The following NRXN3 variants were observed in gnomAD, a reference collection of about 807,000 sequenced individuals.
The protein encoded by NRXN3 is neurexin 3, also known as neurexin III.
In NRXN3, 32 loss-of-function variants were observed where a neutral mutation model predicts 137.6. The ratio of observed to expected loss-of-function variants is 0.23; its 90% CI spans 0.18 to 0.31. The LOEUF is 0.31. NRXN3 is among the 10% of genes least tolerant of loss of function. The pLI is 1.00. For synonymous variants in NRXN3, 798 were observed against 784.5 expected (o/e 1.02, Z -0.29); for missense variants, 1,574 against 2,062.5 (o/e 0.76, Z 4.59).
At position 78,578,311 on chromosome 14, in the gene NRXN3, A is replaced by T. The variant is rs1179551101; in HGVS notation, c.758-66809A>T. 3.3e-5 allele frequency among the ~76,000 whole-genome samples: 5 copies of T among 152,274 alleles called. No homozygotes were observed. In the East Asian group the frequency reaches 5.8e-4, roughly 18 times the overall value. On this transcript the variant is annotated intron_variant, in intron 4 of 20. Transcript: ENST00000335750. ...TCGGATAAGTTTTTAGGGAGATCTA[A>T]ATTGGTAAGATTGATCAAATTTCTT...
At chr14:79,370,662 T>C (rs1254011721) in intron 15 of NRXN3, among the ~76,000 whole-genome samples, 2 of 152,062 alleles carry the variant, frequency 1.3e-5, no homozygotes, top group Non-Finnish European at 2.9e-5. Context: ...GTGGGATGTT[T>C]GACTCCAAAA....
intron 4 of NRXN3, among the ~76,000 whole-genome samples, chr14:78,466,584 G>T (rs10134094): frequency 0.98 from 148,500 of 152,278 alleles, 72,497 homozygotes; most frequent in Non-Finnish European, 1. Flanking sequence ...CTTTGCTGAA[G>T]AATTAGAATT....
At chr14:78,789,011 C>G (rs914562877) in intron 8 of NRXN3, among the ~76,000 whole-genome samples, 2 of 152,110 alleles carry the variant, frequency 1.3e-5, no homozygotes, top group African/African-American at 2.4e-5. Context: ...TGAATTGACT[C>G]AGAGCAATTC....
chr14:78,344,331 T>C (rs1411396407), intron 4 of NRXN3, among the ~76,000 whole-genome samples: 1 of 152,206 alleles, frequency 6.6e-6, no homozygotes, highest in African/African-American at 2.4e-5. Flanking sequence ...TCTCAACCAA[T>C]GAGGGCCCAC....
intron 19 of NRXN3, among the ~76,000 whole-genome samples, chr14:79,804,048 C>T (rs948505488): frequency 7.3e-5 from 11 of 150,620 alleles, no homozygotes; most frequent in African/African-American, 4.9e-5. Flanking sequence ...AGTAATTGCT[C>T]AATAGAAGGG....
At chr14:78,750,684 TAA>T (rs1037343571) in intron 8 of NRXN3, among the ~76,000 whole-genome samples, 4 of 152,182 alleles carry the variant, frequency 2.6e-5, no homozygotes, top group Non-Finnish European at 5.9e-5. Flanking sequence ...ATCTCTGATG[TAA>T]GAGCCTGACT....
chr14:79,507,361 C>T (rs535359492), intron 16 of NRXN3, among the ~76,000 whole-genome samples: 1 of 152,272 alleles, frequency 6.6e-6, no homozygotes, highest in South Asian at 2.1e-4. Context: ...TACATAGGAA[C>T]TCTCTGTACT....
intron 6 of NRXN3, among the ~76,000 whole-genome samples, chr14:78,670,921 T>G (rs17108040): frequency 0.041 from 6,199 of 152,270 alleles, 240 homozygotes; most frequent in East Asian, 0.18. Flanking sequence ...AGTACCTGTG[T>G]TAACTGCAGA....
intron 4 of NRXN3, among the ~76,000 whole-genome samples, chr14:78,429,108 C>A (rs958874407): frequency 3.3e-5 from 5 of 151,956 alleles, no homozygotes; most frequent in African/African-American, 1.2e-4. Context: ...CAGAGTCTTG[C>A]TCTGTCACCC....
chr14:78,775,665 A>G (rs1286027318), intron 8 of NRXN3, among the ~76,000 whole-genome samples: 1 of 152,198 alleles, frequency 6.6e-6, no homozygotes, highest in African/African-American at 2.4e-5. Context: ...GATGTGGAAA[A>G]TAACTAATTG....
At chr14:79,149,251 C>G (rs2059580119) in intron 15 of NRXN3, among the ~76,000 whole-genome samples, 1 of 151,962 alleles carries the variant, frequency 6.6e-6, no homozygotes, top group African/African-American at 2.4e-5. Context: ...ACGTTGAAAC[C>G]CAGTCTGCAC....
chr14:79,353,084 G>A (rs1415730259), intron 15 of NRXN3, among the ~76,000 whole-genome samples: 4 of 152,004 alleles, frequency 2.6e-5, no homozygotes. Flanking sequence ...GTAAGTAAAA[G>A]TAGCTATTTT....
chr14:78,571,975 G>A (rs1029087275), intron 4 of NRXN3, among the ~76,000 whole-genome samples: 10 of 152,124 alleles, frequency 6.6e-5, no homozygotes, highest in African/African-American at 2.4e-4. Context: ...CACTCCTTGT[G>A]GTGTGTTTGT....
At chr14:79,244,809 G>A (rs1041184548) in intron 15 of NRXN3, among the ~76,000 whole-genome samples, 7 of 152,080 alleles carry the variant, frequency 4.6e-5, no homozygotes, top group African/African-American at 1.4e-4. Context: ...TACTGAATAG[G>A]CAATGATTTC....
At chr14:78,680,549 T>G (rs1191109852) in intron 6 of NRXN3, among the ~76,000 whole-genome samples, 1 of 152,180 alleles carries the variant, frequency 6.6e-6, no homozygotes, top group Non-Finnish European at 1.5e-5. Context: ...GGAATCTGAG[T>G]TTGGAATTTG....
chr14:79,329,173 C>T (rs551353853), intron 15 of NRXN3, among the ~76,000 whole-genome samples: 2 of 152,244 alleles, frequency 1.3e-5, no homozygotes, highest in South Asian at 2.1e-4. Flanking sequence ...ACTTTGCAAT[C>T]GCTTTGAGTC....
chr14:78,297,748 T>C lies in NRXN3; in HGVS notation c.728-83T>C. Reference sequence around the variant, plus strand: ...CTCAAGGATTAAGATTGTATTGCATTTGGGATTTTAACTTTGTCTTCTTTC... The same window carrying C: ...CTCAAGGATTAAGATTGTATTGCATCTGGGATTTTAACTTTGTCTTCTTTC... On this transcript the variant is annotated intron_variant, in intron 3 of 20. Transcript: ENST00000335750. The C allele has an allele frequency of 9.5e-6, 10 of 1,047,262 alleles. No homozygotes were observed. The South Asian group carries it at 1.4e-4, about 14-fold the overall frequency. 64.9% of individuals were successfully genotyped at this position (1,047,262 alleles called of 1,614,324 possible).
intron 15 of NRXN3, among the ~76,000 whole-genome samples, chr14:79,337,141 A>G (rs2092318132): frequency 6.6e-6 from 1 of 152,196 alleles, no homozygotes; most frequent in South Asian, 2.1e-4. Flanking sequence ...CAGAAACATT[A>G]TTTTAAGAAC....
At chr14:78,278,223 G>A (rs1567151096) in intron 2 of NRXN3, among the ~76,000 whole-genome samples, 1 of 152,266 alleles carries the variant, frequency 6.6e-6, no homozygotes, top group East Asian at 1.9e-4. Context: ...GGGAAACCTT[G>A]CTTGACTTCA....
Sources: allele counts gnomAD v4.1 joint callset (sites outside exome capture counted in the v4.1 genomes callset), GRCh38; gene constraint gnomAD v4.1.1; transcripts MANE v1.5; gene names NCBI Gene and HGNC (gene_info 2026-07-23, HGNC 2026-07-21).